RAI1: variants seen among roughly 807,000 people sequenced by gnomAD.
RAI1 encodes retinoic acid-induced protein 1.
In RAI1, 9 loss-of-function variants were observed where a neutral mutation model predicts 123.8. The ratio of observed to expected loss-of-function variants is 0.07; its 90% CI spans 0.04 to 0.13. The LOEUF (loss-of-function observed/expected upper bound fraction) is 0.13, where lower values mean the gene tolerates loss of function less well. Ranked by LOEUF, RAI1 falls within the 10% of genes least tolerant of loss-of-function variation. RAI1 has a pLI of 1.00. For synonymous variants in RAI1, 1,231 were observed against 1,127.3 expected (o/e 1.09, Z -1.84); for missense variants, 2,256 against 2,545.8 (o/e 0.89, Z 2.45).
chr17:17,783,456 C>T (rs1255234012), intron 2 of RAI1, among the ~76,000 whole-genome samples: 2 of 151,514 alleles, frequency 1.3e-5, no homozygotes, highest in Non-Finnish European at 2.9e-5. Context: ...ATTTTACCTG[C>T]CCCTGAGGGA....
chr17:17,694,029 G>T (rs1914927102), intron 1 of RAI1, among the ~76,000 whole-genome samples: 1 of 152,240 alleles, frequency 6.6e-6, no homozygotes, highest in African/African-American at 2.4e-5. Context: ...AGAGTCACCT[G>T]TCCTGGCCCA....
At chr17:17,776,685 T>TTTTTG (rs2031359024) in intron 2 of RAI1, 1 of 73,172 alleles carries the variant, frequency 1.4e-5, no homozygotes, top group African/African-American at 4.7e-5. Flanking sequence ...TTTTTTTTTT[T>TTTTTG]GAGAGAGGGT....
At chr17:17,778,871 G>T (rs1358758036) in intron 2 of RAI1, 2 of 456,836 alleles carry the variant, frequency 4.4e-6, no homozygotes, top group Admixed American at 2.3e-5. Flanking sequence ...CCAAGAGGGA[G>T]GGAGTTCTGG....
chr17:17,682,840 C>T (rs1914486985), intron 1 of RAI1, among the ~76,000 whole-genome samples: 1 of 151,946 alleles, frequency 6.6e-6, no homozygotes, highest in South Asian at 2.1e-4. Context: ...TGCGCGGAGC[C>T]CGGGCTGGCG....
chr17:17,787,776 C>T (rs1220751842), intron 2 of RAI1, among the ~76,000 whole-genome samples: 1 of 152,222 alleles, frequency 6.6e-6, no homozygotes, highest in Non-Finnish European at 1.5e-5. Context: ...AGGCAGGGGG[C>T]CTGGCTGTGC....
intron 2 of RAI1, chr17:17,765,803 G>A (rs2030903639): frequency 6.6e-6 from 1 of 152,230 alleles, no homozygotes; most frequent in Admixed American, 6.5e-5. Context: ...CGCTCACAGG[G>A]GTGGTAAGAC....
intron 4 of RAI1, chr17:17,804,219 A>G: frequency 2.9e-6 from 1 of 340,534 alleles, no homozygotes; most frequent in Non-Finnish European, 5.7e-6. Flanking sequence ...ATAGGAGTTC[A>G]CTCAGCAGAG....
chr17:17,693,781 G>T (rs948809931), intron 1 of RAI1, among the ~76,000 whole-genome samples: 17 of 152,220 alleles, frequency 1.1e-4, no homozygotes, highest in Non-Finnish European at 2.5e-4. Context: ...CCTGTGGTAG[G>T]GGGAAGGGAG....
At chr17:17,762,457 A>G (rs1274818974) in intron 2 of RAI1, among the ~76,000 whole-genome samples, 1 of 152,060 alleles carries the variant, frequency 6.6e-6, no homozygotes, top group Non-Finnish European at 1.5e-5. Flanking sequence ...AAGAGGTTCA[A>G]ATTTAGTTGA....
chr17:17,803,085 C>CAAAAAAAAAAA (rs1167089282), intron 3 of RAI1, among the ~76,000 whole-genome samples: 1 of 55,946 alleles, frequency 1.8e-5, no homozygotes, highest in Non-Finnish European at 3.8e-5. Flanking sequence ...AATTCTGTCT[C>CAAAAAAAAAAA]AAAAAAAAAA....
intron 1 of RAI1, among the ~76,000 whole-genome samples, chr17:17,702,614 T>C (rs1915258888): frequency 6.6e-6 from 1 of 152,192 alleles, no homozygotes; most frequent in African/African-American, 2.4e-5. Flanking sequence ...CACTGATTAA[T>C]GAGGTGGTAG....
At chr17:17,750,179 G>T (rs2030098728) in intron 2 of RAI1, among the ~76,000 whole-genome samples, 1 of 152,254 alleles carries the variant, frequency 6.6e-6, no homozygotes, top group Non-Finnish European at 1.5e-5. Flanking sequence ...ATGTAGTCCA[G>T]CTGTGGCTCC....
intron 4 of RAI1, among the ~76,000 whole-genome samples, chr17:17,807,706 C>T (rs1317165297): frequency 6.6e-6 from 1 of 152,238 alleles, no homozygotes; most frequent in African/African-American, 2.4e-5. Flanking sequence ...GTGGCGACCT[C>T]CTACCCTCAA....
chr17:17,798,590 G>A (rs1487441407), intron 3 of RAI1, 77 bp downstream of exon 3: 12 of 1,572,272 alleles, frequency 7.6e-6, no homozygotes, highest in Non-Finnish European at 6.9e-6. Flanking sequence ...GGAGCCCCTT[G>A]TTTCTAGTGC....
rs1229553889 is a variant in RAI1, at chr17:17,793,118, C to A, written c.170C>A (p.Pro57Gln). 2 of 1,614,044 alleles carry A rather than the reference C, an allele frequency of 1.2e-6. No homozygotes were observed. The highest frequency in any genetic ancestry group is 1.1e-5 in the South Asian group (1 of 91,082). The change falls in exon 3 of 6, where the codon CCG becomes CAG. Residue 57 changes from proline (P) to glutamine (Q), a missense_variant. By Grantham distance (76) the Pro-to-Gln change is moderately conservative (BLOSUM62 -1). Coordinates refer to ENST00000353383, the MANE Select transcript of RAI1 (RefSeq NM_030665.4). ...GACTATTATAACCCGCAGCCTTACC[C>A]GAGCTATGAGGGTGGCGCTGGCACG... ...AKDYYNPQPY[P>Q]SYEGGAGTPS...
At chr17:17,725,595 C>G (rs536026445) in intron 2 of RAI1, among the ~76,000 whole-genome samples, 1 of 152,126 alleles carries the variant, frequency 6.6e-6, no homozygotes, top group African/African-American at 2.4e-5. Context: ...TTATTTTGCT[C>G]CATCGGGGGA....
At chr17:17,723,164 C>G (rs1005047801) in intron 1 of RAI1, among the ~76,000 whole-genome samples, 1 of 152,186 alleles carries the variant, frequency 6.6e-6, no homozygotes, top group African/African-American at 2.4e-5. Context: ...CACTCAGCCC[C>G]ACGCAGGCAC....
In RAI1 at chr17:17,800,709, C is replaced by T. The variant is rs571293821; in HGVS notation, c.5565+2196C>T. ...ACAGCCTGCGCAACTAGGGCTGCCC[C>T]GGGAAGGTCGGAACCAGGAACACCC... is the stretch of plus-strand genomic sequence containing the variant. On this transcript the variant is annotated intron_variant, in intron 3 of 5. Transcript: ENST00000353383. This position sits in a 1 kb window ranked among gnomAD's most constrained non-coding sequence, Gnocchi z 4.7. Among the ~76,000 whole-genome samples the T allele has an allele frequency of 1.3e-5, 2 of 152,352 alleles. No individual in the cohort carries two copies. Among genetic ancestry groups the T allele is most frequent in the African/African-American group, 2.4e-5 (1 of 41,580 alleles).
intron 1 of RAI1, among the ~76,000 whole-genome samples, chr17:17,711,354 C>G (rs1309764211): frequency 6.6e-6 from 1 of 152,212 alleles, no homozygotes; most frequent in African/African-American, 2.4e-5. Context: ...CAAACACATG[C>G]ATTTTGGCAC....
Sources: allele counts gnomAD v4.1 joint callset (sites outside exome capture counted in the v4.1 genomes callset), GRCh38; gene constraint gnomAD v4.1.1; non-coding constraint Gnocchi (gnomAD v3.1); transcripts MANE v1.5; gene names NCBI Gene and HGNC (gene_info 2026-07-23, HGNC 2026-07-21).